KLHL3: variants seen among roughly 807,000 people sequenced by gnomAD.
KLHL3 encodes the protein kelch like family member 3.
KLHL3 carries 19 observed loss-of-function variants against 70.5 expected under a neutral mutation model. The observed-to-expected ratio is 0.27, with a 90% CI of 0.19 to 0.40. The LOEUF is 0.40. Among genes scored for constraint, KLHL3 ranks in the 10% least tolerant of loss-of-function variants. The pLI, the probability that KLHL3 is intolerant of heterozygous loss-of-function variation, is 1.00. For synonymous variants in KLHL3, 258 were observed against 290.3 expected (o/e 0.89, Z 1.13); for missense variants, 512 against 771.1 (o/e 0.66, Z 3.98).
chr5:137,720,173 G>A (rs552412403), intron 2 of KLHL3, among the ~76,000 whole-genome samples: 20 of 152,140 alleles, frequency 1.3e-4, no homozygotes, highest in South Asian at 1.0e-3. Flanking sequence ...GGTGGCATGC[G>A]CCTGTAATCC....
At chr5:137,733,943 G>T (rs1340920362) in intron 1 of KLHL3, among the ~76,000 whole-genome samples, 1 of 152,188 alleles carries the variant, frequency 6.6e-6, no homozygotes, top group East Asian at 1.9e-4. Flanking sequence ...GCTCGGTTTG[G>T]ATTTCTTGTC....
At chr5:137,627,620 T>C (rs1489126189) in intron 13 of KLHL3, among the ~76,000 whole-genome samples, 4 of 151,938 alleles carry the variant, frequency 2.6e-5, no homozygotes, top group Non-Finnish European at 4.4e-5. Flanking sequence ...AACACTTTCC[T>C]AAAGCAAAGA....
intron 12 of KLHL3, among the ~76,000 whole-genome samples, chr5:137,630,544 G>C (rs989622029): frequency 1.3e-5 from 2 of 152,192 alleles, no homozygotes; most frequent in African/African-American, 4.8e-5. Context: ...CAGGCATGCT[G>C]AGCTCTCACC....
intron 5 of KLHL3, among the ~76,000 whole-genome samples, chr5:137,679,463 G>A (rs556022711): frequency 1.3e-5 from 2 of 152,282 alleles, no homozygotes; most frequent in Admixed American, 1.3e-4. Flanking sequence ...ATCGTTGGCT[G>A]ACCAAAAAGC....
intron 1 of KLHL3, among the ~76,000 whole-genome samples, chr5:137,731,422 A>G (rs373493812): frequency 9.2e-5 from 14 of 152,322 alleles, no homozygotes; most frequent in African/African-American, 3.4e-4. Context: ...GTTGCTCAAC[A>G]CTTGCTCTTC....
rs182562944 is a variant in KLHL3 at position 137,710,004 on chromosome 5, G to T, written c.135-148C>A. 1.0e-3 allele frequency: 678 copies of T among 666,474 alleles called. 8 individuals carry two copies. In the Admixed American group the frequency reaches 0.013, roughly 13 times the overall value. The allele number at this position is 666,474 out of a possible 1,614,324, so 41.3% of individuals were successfully genotyped here. A position where few individuals can be genotyped will look rare whatever the true frequency, so the allele number is the denominator to read the frequency against. ...CTTGCTCTATCTTGAGTTAGGGAGG[G>T]GGGTGGATTCATTGACTTTTCCAAG... On this transcript the variant is annotated intron_variant, in intron 2 of 14. Transcript: ENST00000309755.
Position 137,639,255 on chromosome 5 carries a change from C to T in KLHL3, c.1022-105G>A. ...AGACAGACACAGGAAAAGTCGCCAC[C>T]GAAGATACTTTAGGTATTTGGCAGT... On this transcript the variant is annotated intron_variant, in intron 9 of 14. Transcript: ENST00000309755. This position sits in a 1 kb window ranked among gnomAD's most constrained non-coding sequence, Gnocchi z 5.0. The T allele has an allele frequency of 3.8e-6, 4 of 1,045,600 alleles. No individual in the cohort carries two copies. The highest frequency in any genetic ancestry group is 2.6e-5 in the East Asian group (1 of 38,452). The allele number at this position is 1,045,600 out of a possible 1,614,324, so 64.8% of individuals were successfully genotyped here.
intron 1 of KLHL3, among the ~76,000 whole-genome samples, chr5:137,732,932 G>T (rs752963317): frequency 1.3e-5 from 2 of 152,146 alleles, no homozygotes; most frequent in African/African-American, 4.8e-5. Context: ...CAGATTCACC[G>T]CTAGGTCTAT....
chr5:137,724,933 A>G (rs938157934), intron 1 of KLHL3: 30 of 440,644 alleles, frequency 6.8e-5, no homozygotes, highest in South Asian at 1.9e-4. Flanking sequence ...TATACCCTCC[A>G]GCAATATAGT....
intron 8 of KLHL3, among the ~76,000 whole-genome samples, chr5:137,654,796 C>T (rs902454571): frequency 4.1e-4 from 62 of 152,192 alleles, no homozygotes; most frequent in African/African-American, 1.4e-3. Context: ...ATAAATGTTT[C>T]TTAAGGAGTA....
intron 6 of KLHL3, among the ~76,000 whole-genome samples, chr5:137,666,646 A>G (rs7702173): frequency 0.012 from 1,859 of 152,328 alleles, 38 homozygotes; most frequent in African/African-American, 0.042. Flanking sequence ...TTGTGTAACT[A>G]GTTCCACTTA....
chr5:137,670,107 CAG>C (rs375083505), intron 6 of KLHL3, among the ~76,000 whole-genome samples: 24 of 152,276 alleles, frequency 1.6e-4, no homozygotes, highest in African/African-American at 5.1e-4. Flanking sequence ...AAGGGAAAGA[CAG>C]GGAGTAAAAT....
At chr5:137,711,399 A>T (rs1752789954) in intron 2 of KLHL3, among the ~76,000 whole-genome samples, 1 of 152,240 alleles carries the variant, frequency 6.6e-6, no homozygotes, top group Admixed American at 6.5e-5. Context: ...CTCCAGACAC[A>T]GTGACTTTTC....
At chr5:137,660,240 A>C (rs933482172) in intron 7 of KLHL3, among the ~76,000 whole-genome samples, 2 of 152,126 alleles carry the variant, frequency 1.3e-5, no homozygotes, top group African/African-American at 2.4e-5. Flanking sequence ...CCCAGGAGCC[A>C]TTTCCTAATG....
intron 13 of KLHL3, 73 bp from the exon 14 acceptor site, chr5:137,625,969 A>C: frequency 1.3e-6 from 2 of 1,579,036 alleles, no homozygotes; most frequent in Non-Finnish European, 1.7e-6. Context: ...TCAAGAGACA[A>C]ATCTGGATAG....
chr5:137,655,577 T>C (rs1751315669), intron 8 of KLHL3, among the ~76,000 whole-genome samples: 1 of 152,176 alleles, frequency 6.6e-6, no homozygotes, highest in East Asian at 1.9e-4. Flanking sequence ...CTGGGGCTTT[T>C]TTGGACCAAA....
At position 137,622,039 on chromosome 5, in the gene KLHL3, G is replaced by C; in HGVS notation, c.*59C>G. 6.3e-7 allele frequency: 1 copy of C among 1,581,360 alleles called. No homozygotes were observed. The highest frequency in any genetic ancestry group is 8.7e-7 in the Non-Finnish European group (1 of 1,150,058). On this transcript the variant is annotated 3_prime_UTR_variant, in exon 15 of 15. Transcript: ENST00000309755. The stretch of plus-strand genomic sequence containing the variant: ...TGAATCCAGTCACCAAGGTCCTGCT[G>C]TTCAGAGTCACAGGCAGCACCTGCT...
chr5:137,706,666 G>A (rs777531385), intron 3 of KLHL3, among the ~76,000 whole-genome samples: 6 of 152,192 alleles, frequency 3.9e-5, no homozygotes, highest in South Asian at 2.1e-4. Flanking sequence ...AATTTCCAAC[G>A]AAGGAAATGA....
intron 12 of KLHL3, among the ~76,000 whole-genome samples, chr5:137,632,565 C>A (rs567549593): frequency 1.3e-5 from 2 of 152,176 alleles, no homozygotes; most frequent in East Asian, 3.9e-4. Context: ...TAGAAGAAAA[C>A]CTAGAAAAAA....
Sources: allele counts gnomAD v4.1 joint callset (sites outside exome capture counted in the v4.1 genomes callset), GRCh38; gene constraint gnomAD v4.1.1; non-coding constraint Gnocchi (gnomAD v3.1); transcripts MANE v1.5; gene names NCBI Gene and HGNC (gene_info 2026-07-23, HGNC 2026-07-21).